The following HCN1 variants were observed in gnomAD, a reference collection of about 807,000 sequenced individuals.
The protein encoded by HCN1 is potassium/sodium hyperpolarization-activated cyclic nucleotide-gated channel 1.
In HCN1, 13 loss-of-function variants were observed where a neutral mutation model predicts 78.9. That is an observed-to-expected ratio of 0.16 (90% CI 0.11 to 0.26). The LOEUF (loss-of-function observed/expected upper bound fraction) is 0.26. HCN1 is among the 10% of genes least tolerant of loss of function. The pLI is 1.00. For synonymous variants in HCN1, 552 were observed against 455.5 expected, an observed-to-expected ratio of 1.21 and a Z score of -2.70; for missense variants, 810 against 1,154.3, an observed-to-expected ratio of 0.70 and a Z score of 4.32.
chr5:45,424,137 A>G (rs926798229), intron 3 of HCN1, among the ~76,000 whole-genome samples: 2 of 149,708 alleles, frequency 1.3e-5, no homozygotes, highest in African/African-American at 2.4e-5. Flanking sequence ...AAAAAAAAAA[A>G]AAAAAATTAG....
At chr5:45,382,062 C>G (rs941069497) in intron 4 of HCN1, among the ~76,000 whole-genome samples, 1 of 152,146 alleles carries the variant, frequency 6.6e-6, no homozygotes, top group Non-Finnish European at 1.5e-5. Flanking sequence ...CCCATCTCAG[C>G]GGCTGTGTAC....
intron 6 of HCN1, among the ~76,000 whole-genome samples, chr5:45,269,394 T>G (rs1490535346): frequency 6.6e-6 from 1 of 152,228 alleles, no homozygotes; most frequent in African/African-American, 2.4e-5. Context: ...GAATTTATTT[T>G]TTCTGAACTC....
chr5:45,517,520 TA>T (rs773490588), intron 2 of HCN1, among the ~76,000 whole-genome samples: 3,152 of 94,322 alleles, frequency 0.033, 68 homozygotes, highest in African/African-American at 0.096. Flanking sequence ...AATTTCCCCT[TA>T]AAAAAAAAAA....
rs1485371444 is a variant in HCN1 at position 45,433,229 on chromosome 5, A to C, written c.1011+28617T>G. On this transcript the variant is annotated intron_variant, in intron 3 of 7. Coordinates refer to ENST00000303230, the MANE Select transcript of HCN1 (RefSeq NM_021072.4). ...CAGGAATAAAGCCTACTTTATCATG[A>C]TGTATTTGCTTTTTGATGTGCTGCT... 3.3e-5 allele frequency among the ~76,000 whole-genome samples: 5 copies of C among 152,040 alleles called. No individual in the cohort carries two copies. In the South Asian group the frequency reaches 1.0e-3, roughly 32 times the overall value.
At chr5:45,613,365 T>C (rs554346181) in intron 2 of HCN1, among the ~76,000 whole-genome samples, 2 of 152,196 alleles carry the variant, frequency 1.3e-5, no homozygotes, top group East Asian at 1.9e-4. Flanking sequence ...TAGTATTCCA[T>C]GGTGTATATG....
chr5:45,555,490 T>C (rs1743450704), intron 2 of HCN1, among the ~76,000 whole-genome samples: 1 of 151,912 alleles, frequency 6.6e-6, no homozygotes. Flanking sequence ...ACAGAATCAA[T>C]GCAATCTTTA....
chr5:45,680,631 T>C (rs1739684960), intron 1 of HCN1, among the ~76,000 whole-genome samples: 1 of 152,122 alleles, frequency 6.6e-6, no homozygotes, highest in African/African-American at 2.4e-5. Flanking sequence ...TTGTTGGAAA[T>C]ACAAATAAGA....
rs1214826072 is a variant in HCN1, at chr5:45,695,971, G to A, written c.123C>T (p.Thr41=). The change falls in exon 1 of 8, where the codon ACC becomes ACT. Residue 41 remains threonine, a synonymous_variant. Transcript: ENST00000303230. The part of the protein sequence containing the change: ...GPAAAEKRLG[T]PPGGGGAGAK... ...CGCCGGCCCCGCCGCCCCCCGGCGG[G>A]GTGCCCAGGCGCTTCTCGGCCGCGG... 1.5e-6 allele frequency: 2 copies of A among 1,320,702 alleles called. No individual in the cohort carries two copies. Among genetic ancestry groups the A allele is most frequent in the Non-Finnish European group, 1.9e-6 (2 of 1,042,342 alleles). The allele number at this position is 1,320,702 out of a possible 1,614,324, so 81.8% of individuals were successfully genotyped here.
intron 6 of HCN1, among the ~76,000 whole-genome samples, chr5:45,288,932 G>C (rs1745319530): frequency 6.6e-6 from 1 of 152,018 alleles, no homozygotes; most frequent in Non-Finnish European, 1.5e-5. Flanking sequence ...TGAGAACACA[G>C]TGAGAAACCA....
chr5:45,517,599 C>T (rs1742538540), intron 2 of HCN1, among the ~76,000 whole-genome samples: 1 of 151,086 alleles, frequency 6.6e-6, no homozygotes, highest in African/African-American at 2.4e-5. Context: ...TATTTCCCAC[C>T]CATCCTTATA....
At chr5:45,401,199 TC>T (rs1186494426) in intron 3 of HCN1, among the ~76,000 whole-genome samples, 1 of 152,176 alleles carries the variant, frequency 6.6e-6, no homozygotes, top group Non-Finnish European at 1.5e-5. Flanking sequence ...CAGTACCTTT[TC>T]CAATGTGTAA....
Position 45,660,517 on chromosome 5 carries a change from TAA to T in HCN1, c.426-14911_426-14910del, listed in dbSNP as rs1167294993. 6.6e-5 allele frequency among the ~76,000 whole-genome samples: 10 copies of T among 151,322 alleles called. No homozygotes were observed. The East Asian group carries it at 1.8e-3, about 27-fold the overall frequency. On this transcript the variant is annotated intron_variant, in intron 1 of 7. Transcript: ENST00000303230. ...AAAAAACACAGACTGGCAAGTTGGATAAAGAGTCAAGACCCATCAGTGTGCTG... is the reference window on the plus strand; with the variant it reads ...AAAAAACACAGACTGGCAAGTTGGATAGAGTCAAGACCCATCAGTGTGCTG...
chr5:45,400,029 G>A (rs999144189), intron 3 of HCN1, among the ~76,000 whole-genome samples: 9 of 151,884 alleles, frequency 5.9e-5, no homozygotes, highest in African/African-American at 1.9e-4. Context: ...AATTCTAGAT[G>A]GTCCATGAAC....
intron 3 of HCN1, among the ~76,000 whole-genome samples, chr5:45,445,913 G>A (rs1740784581): frequency 6.6e-6 from 1 of 152,124 alleles, no homozygotes; most frequent in Non-Finnish European, 1.5e-5. Context: ...AAGAACAAAA[G>A]TAGATAAAAC....
intron 3 of HCN1, among the ~76,000 whole-genome samples, chr5:45,444,496 T>C (rs1740744882): frequency 6.6e-6 from 1 of 152,170 alleles, no homozygotes; most frequent in Non-Finnish European, 1.5e-5. Context: ...TTATGTCGTA[T>C]ATTGAAGTTA....
intron 3 of HCN1, among the ~76,000 whole-genome samples, chr5:45,459,774 T>C (rs1741107958): frequency 1.3e-5 from 2 of 152,112 alleles, no homozygotes; most frequent in African/African-American, 4.8e-5. Context: ...CCAAATTAAA[T>C]ATTGGTTGGT....
intron 2 of HCN1, among the ~76,000 whole-genome samples, chr5:45,529,526 C>G (rs749616710): frequency 1.3e-5 from 2 of 151,866 alleles, no homozygotes; most frequent in Non-Finnish European, 2.9e-5. Context: ...GTGTAATCTG[C>G]AGGGAAGGCG....
intron 5 of HCN1, among the ~76,000 whole-genome samples, chr5:45,344,320 G>C (rs775625227): frequency 1.3e-5 from 2 of 152,014 alleles, no homozygotes; most frequent in Non-Finnish European, 2.9e-5. Flanking sequence ...ATTTGGGTGG[G>C]AACAGAGCCA....
chr5:45,344,246 A>G (rs1579825742), intron 5 of HCN1, among the ~76,000 whole-genome samples: 1 of 152,038 alleles, frequency 6.6e-6, no homozygotes, highest in Non-Finnish European at 1.5e-5. Flanking sequence ...CCATGATTCA[A>G]TTACCTCCTA....
Sources: gnomAD v4.1 joint callset for allele counts (sites outside exome capture counted in the v4.1 genomes callset) on GRCh38, gnomAD v4.1.1 for gene constraint, MANE v1.5 for transcripts, NCBI Gene and HGNC (gene_info 2026-07-23, HGNC 2026-07-21) for gene names.